CDC42BPA: variants seen among roughly 807,000 people sequenced by gnomAD.
CDC42BPA encodes the protein serine/threonine-protein kinase MRCK alpha.
In CDC42BPA, 80 loss-of-function variants were observed where a neutral mutation model predicts 223.5. That is an observed-to-expected ratio of 0.36 (90% CI 0.30 to 0.43). The LOEUF is 0.43. CDC42BPA is among the 20% of genes least tolerant of loss of function. The pLI, the probability that CDC42BPA is intolerant of heterozygous loss-of-function variation, is 1.00. For missense variants in CDC42BPA, 1,743 were observed against 2,099.9 expected, an observed-to-expected ratio of 0.83 and a Z score of 3.32; for synonymous variants, 694 against 718.6, an observed-to-expected ratio of 0.97 and a Z score of 0.55.
intron 14 of CDC42BPA, among the ~76,000 whole-genome samples, chr1:227,110,614 C>G (rs1686760163): frequency 6.6e-6 from 1 of 152,144 alleles, no homozygotes; most frequent in Admixed American, 6.5e-5. Flanking sequence ...AAGATTTCTT[C>G]CAGTTTGTAC....
chr1:227,156,148 T>TTTA (rs373832865), intron 6 of CDC42BPA, among the ~76,000 whole-genome samples: 13 of 15,758 alleles, frequency 8.2e-4, no homozygotes, highest in South Asian at 2.9e-3. Flanking sequence ...TTTATTTTTA[T>TTTA]TTTTTATTTA....
Position 226,993,956 on chromosome 1 carries a change from C to T in CDC42BPA, c.*312G>A. 4.2e-6 allele frequency: 1 copy of T among 239,946 alleles called. No homozygotes were observed. Among genetic ancestry groups the T allele is most frequent in the Non-Finnish European group, 8.3e-6 (1 of 120,772 alleles). The allele number at this position is 239,946 out of a possible 1,614,324, so 14.9% of individuals were successfully genotyped here. On this transcript the variant is annotated 3_prime_UTR_variant, in exon 37 of 37. Coordinates refer to ENST00000366766, the MANE Select transcript of CDC42BPA (RefSeq NM_001394014.1). The stretch of plus-strand genomic sequence containing the variant: ...TGTCTAATCTTATTCTTATCACTTA[C>T]ATTTGTGTAATCTGTCTATTTAAGC...
intron 34 of CDC42BPA, among the ~76,000 whole-genome samples, chr1:227,013,526 AG>A (rs747492608): frequency 6.6e-6 from 1 of 152,070 alleles, no homozygotes; most frequent in African/African-American, 2.4e-5. Context: ...TTGGATATGA[AG>A]GTCTGAAAGA....
chr1:227,122,536 T>C (rs950562320), intron 11 of CDC42BPA, among the ~76,000 whole-genome samples: 1 of 152,226 alleles, frequency 6.6e-6, no homozygotes, highest in African/African-American at 2.4e-5. Flanking sequence ...TCATTCTGGC[T>C]GCTTTGCAAT....
intron 22 of CDC42BPA, among the ~76,000 whole-genome samples, chr1:227,050,736 T>C (rs1331626883): frequency 1.3e-5 from 2 of 152,154 alleles, no homozygotes; most frequent in Non-Finnish European, 2.9e-5. Flanking sequence ...CTACTATGTA[T>C]CATTTGTGGA....
At chr1:227,316,103 T>C (rs968167315) in intron 1 of CDC42BPA, among the ~76,000 whole-genome samples, 4 of 152,194 alleles carry the variant, frequency 2.6e-5, no homozygotes, top group Admixed American at 2.6e-4. Flanking sequence ...AAATCATATT[T>C]GGCCAAAATC....
At chr1:227,207,580 T>C (rs1275982854) in intron 3 of CDC42BPA, among the ~76,000 whole-genome samples, 2 of 143,910 alleles carry the variant, frequency 1.4e-5, no homozygotes, top group African/African-American at 5.2e-5. Flanking sequence ...GTGATCTCAC[T>C]GTTCAAGTCC....
At position 227,164,447 on chromosome 1, in the gene CDC42BPA, CCA is replaced by C. The variant is rs1279185378; in HGVS notation, c.600-3813_600-3812del. On this transcript the variant is annotated intron_variant, in intron 5 of 36. Transcript: ENST00000366766. Reference sequence around the variant, plus strand: ...ATATTCTTCAGTTATGAATTATTTTCCACAGAGAACTTACATATCTCATCTAT... The same window carrying C: ...ATATTCTTCAGTTATGAATTATTTTCCAGAGAACTTACATATCTCATCTAT... Among the ~76,000 whole-genome samples the C allele has an allele frequency of 2.0e-5, 3 of 152,154 alleles. No individual in the cohort carries two copies. In the East Asian group the frequency reaches 5.8e-4, roughly 29 times the overall value.
Position 227,317,198 on chromosome 1 carries a change from T to G in CDC42BPA, c.-16A>C, listed in dbSNP as rs1694552006. 5 of 1,593,100 alleles carry G rather than the reference T, an allele frequency of 3.1e-6. No homozygotes were observed. Among genetic ancestry groups the G allele is most frequent in the Non-Finnish European group, 4.3e-6 (5 of 1,170,772 alleles). On this transcript the variant is annotated 5_prime_UTR_variant, in exon 1 of 37. Coordinates refer to ENST00000366766, the MANE Select transcript of CDC42BPA (RefSeq NM_001394014.1). Reference sequence around the variant, plus strand: ...CTCCAGACATGTTTGCTTCGATTTCTGCTGGTTTTCCTTTAAATTATTATG... The same window carrying G: ...CTCCAGACATGTTTGCTTCGATTTCGGCTGGTTTTCCTTTAAATTATTATG...
chr1:227,316,665 C>G (rs1286279176), intron 1 of CDC42BPA, among the ~76,000 whole-genome samples: 1 of 152,174 alleles, frequency 6.6e-6, no homozygotes, highest in Non-Finnish European at 1.5e-5. Context: ...AAATGAAGGA[C>G]TATTATAGTG....
At position 227,028,662 on chromosome 1, in the gene CDC42BPA, GAGGA is replaced by G; in HGVS notation, c.4423_4426del (p.Ser1475LeufsTer22). ...CGTAAGAAAGAGAATCTTACAACAAGAGGAAGGATTTGCTGGCCACATCAATTCC... is the reference window on the plus strand; with the variant it reads ...CGTAAGAAAGAGAATCTTACAACAAGAGGATTTGCTGGCCACATCAATTCC... On this transcript the variant is annotated frameshift_variant, in exon 30 of 37. Transcript: ENST00000366766. LOFTEE classifies it high-confidence loss of function. The G allele has an allele frequency of 6.4e-7, 1 of 1,550,716 alleles. No homozygotes were observed. The highest frequency in any genetic ancestry group is 8.7e-7 in the Non-Finnish European group (1 of 1,142,986).
chr1:227,279,177 T>C (rs1190406429), intron 1 of CDC42BPA, among the ~76,000 whole-genome samples: 1 of 152,186 alleles, frequency 6.6e-6, no homozygotes, highest in African/African-American at 2.4e-5. Flanking sequence ...GCTGCCTTGA[T>C]GGCATTAGTT....
chr1:227,075,331 C>T (rs1679238149), intron 17 of CDC42BPA, among the ~76,000 whole-genome samples: 1 of 152,156 alleles, frequency 6.6e-6, no homozygotes, highest in African/African-American at 2.4e-5. Flanking sequence ...ATGCATACAG[C>T]AGACATGTTT....
At chr1:227,144,343 G>A (rs751689028) in intron 8 of CDC42BPA, among the ~76,000 whole-genome samples, 6 of 152,022 alleles carry the variant, frequency 3.9e-5, no homozygotes, top group Non-Finnish European at 5.9e-5. Flanking sequence ...TTGGGAGGCT[G>A]AGGAGGGCGG....
In CDC42BPA at chr1:227,145,688, T is replaced by C; in HGVS notation, c.944A>G (p.Lys315Arg). The part of the protein sequence containing the change: ...AQVTDVSENA[K>R]DLIRRLICSR... ...ACAAATGAGCCTTCGAATAAGATCC[T>C]TAGCATTTTCAGACACATCAGTCAC... Residue 315 changes from lysine (K) to arginine (R), a missense_variant, in exon 8 of 37, where the codon AAG becomes AGG. Transcript: ENST00000366766. 3 of 1,613,630 alleles carry C rather than the reference T, an allele frequency of 1.9e-6. No individual in the cohort carries two copies. The highest frequency in any genetic ancestry group is 2.5e-6 in the Non-Finnish European group (3 of 1,179,632).
At chr1:227,141,999 T>C (rs990002895) in intron 9 of CDC42BPA, among the ~76,000 whole-genome samples, 2 of 152,130 alleles carry the variant, frequency 1.3e-5, no homozygotes, top group African/African-American at 4.8e-5. Flanking sequence ...TAAAAAATAG[T>C]TACTAGGTGA....
At chr1:227,288,793 G>C (rs565905473) in intron 1 of CDC42BPA, among the ~76,000 whole-genome samples, 2 of 151,772 alleles carry the variant, frequency 1.3e-5, no homozygotes, top group Non-Finnish European at 2.9e-5. Flanking sequence ...TCAGGAGTTC[G>C]AGACCAGCCT....
chr1:227,146,475 T>C (rs1477639258), intron 7 of CDC42BPA, among the ~76,000 whole-genome samples: 2 of 152,156 alleles, frequency 1.3e-5, no homozygotes, highest in Non-Finnish European at 2.9e-5. Flanking sequence ...CTGATTTTTA[T>C]ACATGTAAAG....
rs913184276 is a variant in CDC42BPA at position 227,112,752 on chromosome 1, C to T, written c.1809G>A (p.Lys603=). Residue 603 remains lysine, a synonymous_variant, in exon 13 of 37, where the codon AAG becomes AAA. Coordinates refer to ENST00000366766, the MANE Select transcript of CDC42BPA (RefSeq NM_001394014.1). Reference sequence around the variant, plus strand: ...GCATCACCAGGTCCACCTCTTCTTCCTTATCTCGGACATGGCGAGCAAGTT... The same window carrying T: ...GCATCACCAGGTCCACCTCTTCTTCTTTATCTCGGACATGGCGAGCAAGTT... ...KQKLARHVRD[K]EEEVDLVMQK... 3 of 1,613,932 alleles carry T rather than the reference C, an allele frequency of 1.9e-6. No individual in the cohort carries two copies. The African/African-American group carries it at 4.0e-5, about 22-fold the overall frequency.
Sources: allele counts gnomAD v4.1 joint callset (sites outside exome capture counted in the v4.1 genomes callset), GRCh38; gene constraint gnomAD v4.1.1; transcripts MANE v1.5; gene names NCBI Gene and HGNC (gene_info 2026-07-23, HGNC 2026-07-21).